The following NKAIN3 variants were observed in gnomAD, a reference collection of about 807,000 sequenced individuals.
The protein encoded by NKAIN3 is sodium/potassium-transporting ATPase subunit beta-1-interacting protein 3.
A neutral mutation model predicts 30.2 loss-of-function variants in NKAIN3; 25 were observed. The observed-to-expected ratio is 0.83, with a 90% CI of 0.60 to 1.16. NKAIN3 has a LOEUF of 1.16. NKAIN3 is among the 50% of genes most tolerant of loss of function. NKAIN3 has a pLI of 0.00. For missense variants in NKAIN3, 225 were observed against 254.1 expected (o/e 0.89, Z 0.78); for synonymous variants, 91 against 89.6 (o/e 1.02, Z -0.09).
intron 4 of NKAIN3, among the ~76,000 whole-genome samples, chr8:62,777,437 A>G (rs962454515): frequency 2.0e-5 from 3 of 151,914 alleles, no homozygotes; most frequent in African/African-American, 4.8e-5. Flanking sequence ...TGGCCTGTCT[A>G]GCTCACTAAT....
chr8:62,859,511 A>AAAAAAAAAAAAAAAAAAAAAAAAC (rs1310262588), intron 4 of NKAIN3, among the ~76,000 whole-genome samples: 1 of 149,222 alleles, frequency 6.7e-6, no homozygotes, highest in Non-Finnish European at 1.5e-5. Flanking sequence ...CTTCAACTAA[A>AAAAAAAAAAAAAAAAAAAAAAAAC]AAAAAAAAAA....
At chr8:62,775,126 T>C (rs1817148313) in intron 4 of NKAIN3, among the ~76,000 whole-genome samples, 1 of 152,160 alleles carries the variant, frequency 6.6e-6, no homozygotes, top group Non-Finnish European at 1.5e-5. Flanking sequence ...CATGGTTCAA[T>C]CTTGGGAGGT....
chr8:62,664,947 T>C (rs1415106752), intron 3 of NKAIN3, among the ~76,000 whole-genome samples: 1 of 152,180 alleles, frequency 6.6e-6, no homozygotes, highest in African/African-American at 2.4e-5. Flanking sequence ...ATCCAAAACC[T>C]CTATTTCCAA....
chr8:62,471,649 C>T (rs946220493), intron 1 of NKAIN3, among the ~76,000 whole-genome samples: 1 of 152,098 alleles, frequency 6.6e-6, no homozygotes, highest in Admixed American at 6.5e-5. Flanking sequence ...AACTAAATGG[C>T]ACTTTCTACT....
At chr8:62,722,037 GT>G (rs1034578278) in intron 3 of NKAIN3, among the ~76,000 whole-genome samples, 1 of 152,170 alleles carries the variant, frequency 6.6e-6, no homozygotes, top group Non-Finnish European at 1.5e-5. Flanking sequence ...TCATCTAGGT[GT>G]TTATGGAAAG....
intron 1 of NKAIN3, among the ~76,000 whole-genome samples, chr8:62,578,430 A>C (rs535782631): frequency 3.0e-4 from 45 of 152,214 alleles, no homozygotes; most frequent in African/African-American, 1.0e-3. Flanking sequence ...ATCCAAGATA[A>C]ATTTTCTTGT....
chr8:62,304,915 C>T (rs1814176312), intron 1 of NKAIN3, among the ~76,000 whole-genome samples: 1 of 150,486 alleles, frequency 6.6e-6, no homozygotes, highest in South Asian at 2.1e-4. Context: ...CTCAGTTGTA[C>T]TGGAAAGTGT....
intron 3 of NKAIN3, among the ~76,000 whole-genome samples, chr8:62,663,870 T>C (rs1332033267): frequency 2.6e-5 from 4 of 152,190 alleles, no homozygotes; most frequent in Admixed American, 1.3e-4. Context: ...TATTTGCTGA[T>C]TGAATAAATT....
chr8:62,261,146 A>G (rs548472079), intron 1 of NKAIN3, among the ~76,000 whole-genome samples: 33 of 152,344 alleles, frequency 2.2e-4, no homozygotes, highest in African/African-American at 7.5e-4. Context: ...ACTGATTCAT[A>G]AGCTTTTAAT....
At chr8:62,426,858 G>C (rs1804823784) in intron 1 of NKAIN3, among the ~76,000 whole-genome samples, 1 of 151,912 alleles carries the variant, frequency 6.6e-6, no homozygotes, top group South Asian at 2.1e-4. Flanking sequence ...GAAGCGCCTG[G>C]CTAGCAGGAA....
At chr8:62,386,095 C>G (rs16928847) in intron 1 of NKAIN3, among the ~76,000 whole-genome samples, 1 of 151,974 alleles carries the variant, frequency 6.6e-6, no homozygotes. Context: ...CTCTTGCTTG[C>G]GGGTATGTTT....
rs529974764 is a variant in NKAIN3, at chr8:62,838,404, G to A, written c.472-80049G>A. ...CTTCACTGAACACCAGAGGAGTTAG[G>A]TGGGACATTTAGAAGAGAGATTTGT... On this transcript the variant is annotated intron_variant, in intron 4 of 6. Coordinates refer to ENST00000623646, the MANE Select transcript of NKAIN3 (RefSeq NM_001304533.3). Among the ~76,000 whole-genome samples the A allele has an allele frequency of 5.3e-5, 8 of 152,034 alleles. No individual in the cohort carries two copies. The East Asian group carries it at 9.7e-4, about 18-fold the overall frequency.
At chr8:62,394,827 C>T (rs1487332118) in intron 1 of NKAIN3, among the ~76,000 whole-genome samples, 3 of 146,530 alleles carry the variant, frequency 2.0e-5, no homozygotes, top group Non-Finnish European at 4.5e-5. Context: ...GATGGTGGGG[C>T]GGCCAAGCAG....
chr8:62,826,528 T>C (rs1224595997), intron 4 of NKAIN3, among the ~76,000 whole-genome samples: 1 of 152,178 alleles, frequency 6.6e-6, no homozygotes, highest in Non-Finnish European at 1.5e-5. Flanking sequence ...TAAATAAGAT[T>C]TCCCACGTAA....
At chr8:62,599,588 C>T (rs1810931765) in intron 3 of NKAIN3, among the ~76,000 whole-genome samples, 1 of 152,020 alleles carries the variant, frequency 6.6e-6, no homozygotes, top group African/African-American at 2.4e-5. Flanking sequence ...TCACAATCCT[C>T]ATCCTGAAAA....
chr8:62,870,272 A>ATATAGATATCTATATCTATATC (rs1820579340), intron 4 of NKAIN3, among the ~76,000 whole-genome samples: 2 of 124,742 alleles, frequency 1.6e-5, no homozygotes, highest in African/African-American at 3.3e-5. Flanking sequence ...CTATATATAG[A>ATATAGATATCTATATCTATATC]TATATATAAA....
At chr8:62,551,434 T>C (rs956420664) in intron 1 of NKAIN3, among the ~76,000 whole-genome samples, 1 of 152,302 alleles carries the variant, frequency 6.6e-6, no homozygotes, top group East Asian at 1.9e-4. Context: ...CAAGGAGTTG[T>C]AGGAATTATG....
rs139267841 is a variant in NKAIN3 at position 62,733,595 on chromosome 8, T to G, written c.274-13337T>G. ...TTTTTTTAATTTAATATGTTATTAT[T>G]TTACTGTAGTGCTCTGGATGTGAAA... On this transcript the variant is annotated intron_variant, in intron 3 of 6. Coordinates refer to ENST00000623646, the MANE Select transcript of NKAIN3 (RefSeq NM_001304533.3). 9.3e-3 allele frequency among the ~76,000 whole-genome samples: 1,411 copies of G among 152,258 alleles called. 10 individuals are homozygous for G. Among genetic ancestry groups the G allele is most frequent in the Non-Finnish European group, 0.014 (940 of 67,998 alleles).
intron 5 of NKAIN3, among the ~76,000 whole-genome samples, chr8:62,935,466 G>C (rs745852690): frequency 1.3e-5 from 2 of 152,036 alleles, no homozygotes; most frequent in African/African-American, 2.4e-5. Flanking sequence ...TTTTACAGAT[G>C]AGTAAACTAC....
Sources: gnomAD v4.1 joint callset for allele counts (sites outside exome capture counted in the v4.1 genomes callset) on GRCh38, gnomAD v4.1.1 for gene constraint, MANE v1.5 for transcripts, NCBI Gene and HGNC (gene_info 2026-07-23, HGNC 2026-07-21) for gene names.